The following EZH2 variants were observed in gnomAD, a reference collection of about 807,000 sequenced individuals.
The protein encoded by EZH2 is enhancer of zeste 2 polycomb repressive complex 2 subunit, also known as histone-lysine N-methyltransferase EZH2.
EZH2 carries 18 observed loss-of-function variants against 98.4 expected under a neutral mutation model. That is an observed-to-expected ratio of 0.18 (90% CI 0.13 to 0.27). The LOEUF is 0.27. EZH2 is among the 10% of genes least tolerant of loss of function. The probability of loss-of-function intolerance (pLI) is 1.00; values close to 1 mark genes in which losing one functional copy is unlikely to be tolerated. For synonymous variants in EZH2, 338 were observed against 312.3 expected, an observed-to-expected ratio of 1.08 and a Z score of -0.87; for missense variants, 470 against 935.1, an observed-to-expected ratio of 0.50 and a Z score of 6.49.
chr7:148,868,393 T>C (rs1028568790), intron 1 of EZH2, among the ~76,000 whole-genome samples: 1 of 152,196 alleles, frequency 6.6e-6, no homozygotes, highest in Non-Finnish European at 1.5e-5. Context: ...ACGTGGCTGA[T>C]GCAGGGGGAA....
At chr7:148,839,696 C>T (rs1377951285) in intron 3 of EZH2, among the ~76,000 whole-genome samples, 1 of 152,062 alleles carries the variant, frequency 6.6e-6, no homozygotes. Flanking sequence ...AGGCGCACAC[C>T]ACCATGCCCA....
At chr7:148,871,874 G>C (rs185648342) in intron 1 of EZH2, among the ~76,000 whole-genome samples, 1 of 151,848 alleles carries the variant, frequency 6.6e-6, no homozygotes, top group Non-Finnish European at 1.5e-5. Flanking sequence ...ACGCCCAGCC[G>C]AATAGTATAT....
At chr7:148,883,645 G>A (rs932259636) in intron 1 of EZH2, 1 of 147,568 alleles carries the variant, frequency 6.8e-6, no homozygotes, top group Non-Finnish European at 1.5e-5. Flanking sequence ...CGGCGGGCCC[G>A]GGTGTCATGC....
chr7:148,811,871 A>G (rs994553757), intron 15 of EZH2, 151 bp from the exon 16 acceptor site: 1 of 618,878 alleles, frequency 1.6e-6, no homozygotes, highest in African/African-American at 1.8e-5. Context: ...GCTTCAGTCA[A>G]CGTGAAAGCT....
chr7:148,826,361 T>C (rs143454551), intron 8 of EZH2, 93 bp downstream of exon 8: 1 of 997,602 alleles, frequency 1.0e-6, no homozygotes, highest in South Asian at 4.1e-5. Flanking sequence ...AACTACAAGA[T>C]TAAATGATAA....
At chr7:148,837,059 A>C (rs1811093126) in intron 3 of EZH2, 1 of 451,606 alleles carries the variant, frequency 2.2e-6, no homozygotes, top group African/African-American at 2.0e-5. Flanking sequence ...TGTGCTAGAG[A>C]CTTTACCAAA....
chr7:148,829,890 G>A (rs780835083), intron 4 of EZH2, 42 bp from the exon 5 acceptor site: 1 of 1,428,934 alleles, frequency 7.0e-7, no homozygotes, highest in Non-Finnish European at 9.5e-7. Context: ...TTTACTCTAA[G>A]TATCAAATGT....
chr7:148,836,408 A>AC (rs1390518360), intron 3 of EZH2, among the ~76,000 whole-genome samples: 2 of 152,214 alleles, frequency 1.3e-5, no homozygotes, highest in East Asian at 3.8e-4. Flanking sequence ...GTGAAAACAA[A>AC]CGTGGGATTC....
chr7:148,829,800 C>T lies in EZH2; in HGVS notation c.412G>A (p.Val138Ile), dbSNP rs766447146. The T allele has an allele frequency of 5.6e-6, 9 of 1,603,838 alleles. No individual in the cohort carries two copies. Among genetic ancestry groups the T allele is most frequent in the East Asian group, 2.2e-5 (1 of 44,640 alleles). The change falls in exon 5 of 20, where the codon GTT becomes ATT. Residue 138 changes from valine to isoleucine, a missense_variant. By Grantham distance (29) the Val-to-Ile change is conservative. Coordinates refer to ENST00000320356, the MANE Select transcript of EZH2 (RefSeq NM_004456.5). ...ATGAAAGTACCATCCTGATCTAAAA[C>T]TTCATCTCCCATATAAGGAATGTTA... Reference protein sequence around the residue: ...LHNIPYMGDEVLDQDGTFIEE... With the variant: ...LHNIPYMGDEILDQDGTFIEE...
At chr7:148,817,777 C>G (rs1326235811) in intron 10 of EZH2, 100 bp downstream of exon 10, 1 of 1,508,946 alleles carries the variant, frequency 6.6e-7, no homozygotes, top group African/African-American at 1.4e-5. Flanking sequence ...TATACTGAAA[C>G]TAACCAACTA....
intron 1 of EZH2, among the ~76,000 whole-genome samples, chr7:148,849,268 C>A (rs1815052278): frequency 6.6e-6 from 1 of 152,026 alleles, no homozygotes; most frequent in Non-Finnish European, 1.5e-5. Context: ...GGAAAGGTAA[C>A]AAGGAACTCA....
chr7:148,823,551 T>G (rs1246471576), intron 8 of EZH2, among the ~76,000 whole-genome samples: 1 of 151,570 alleles, frequency 6.6e-6, no homozygotes, highest in Non-Finnish European at 1.5e-5. Context: ...CGAGAACCAA[T>G]AAAAGTGGTT....
chr7:148,811,981 A>G (rs1415695276), intron 15 of EZH2, among the ~76,000 whole-genome samples: 2 of 152,234 alleles, frequency 1.3e-5, no homozygotes, highest in Non-Finnish European at 2.9e-5. Flanking sequence ...TGCAATGACC[A>G]TCGTTCAGCA....
At chr7:148,878,952 CAG>C (rs1820555854) in intron 1 of EZH2, among the ~76,000 whole-genome samples, 1 of 151,876 alleles carries the variant, frequency 6.6e-6, no homozygotes, top group Non-Finnish European at 1.5e-5. Context: ...CAGGCGTGCG[CAG>C]TAGCTCACGC....
At position 148,855,897 on chromosome 7, in the gene EZH2, CAAAA is replaced by C. The variant is rs34692092; in HGVS notation, c.-7-8596_-7-8593del. On this transcript the variant is annotated intron_variant, in intron 1 of 19. Coordinates refer to ENST00000320356, the MANE Select transcript of EZH2 (RefSeq NM_004456.5). Reference sequence around the variant, plus strand: ...TAGGCGACAGAGCAAGACTCCATCTCAAAAAAAAAAAAAAAAAAAAAAAAGTAGT... The same window carrying C: ...TAGGCGACAGAGCAAGACTCCATCTCAAAAAAAAAAAAAAAAAAAAGTAGT... Among the ~76,000 whole-genome samples, 273 of 40,950 alleles carry C rather than the reference CAAAA, an allele frequency of 6.7e-3. 1 individual carries two copies. Among genetic ancestry groups the C allele is most frequent in the African/African-American group, 0.029 (265 of 9,056 alleles). The allele number at this position is 40,950 out of a possible 152,430, so 26.9% of individuals were successfully genotyped here. A position where few individuals can be genotyped will look rare whatever the true frequency, so the allele number is the denominator to read the frequency against.
chr7:148,870,265 G>A (rs1446696185), intron 1 of EZH2, among the ~76,000 whole-genome samples: 2 of 152,106 alleles, frequency 1.3e-5, no homozygotes, highest in Non-Finnish European at 2.9e-5. Context: ...AATAATTTTC[G>A]AAGTAGCCCA....
intron 8 of EZH2, among the ~76,000 whole-genome samples, chr7:148,825,741 A>G (rs1416636198): frequency 1.3e-5 from 2 of 152,200 alleles, no homozygotes; most frequent in Admixed American, 1.3e-4. Context: ...GACGTACTAA[A>G]ATACAATATA....
intron 1 of EZH2, among the ~76,000 whole-genome samples, chr7:148,882,109 T>C (rs916184455): frequency 6.6e-6 from 1 of 152,132 alleles, no homozygotes; most frequent in African/African-American, 2.4e-5. Flanking sequence ...TAATAGTAAC[T>C]AATATAAACG....
intron 4 of EZH2, among the ~76,000 whole-genome samples, chr7:148,830,891 A>T (rs899042784): frequency 6.6e-6 from 1 of 152,254 alleles, no homozygotes; most frequent in Non-Finnish European, 1.5e-5. Context: ...ATGTTTAAAG[A>T]GACTAATTCC....
Sources: allele counts gnomAD v4.1 joint callset (sites outside exome capture counted in the v4.1 genomes callset), GRCh38; gene constraint gnomAD v4.1.1; transcripts MANE v1.5; gene names NCBI Gene and HGNC (gene_info 2026-07-23, HGNC 2026-07-21).